Variants in CWC27 observed in about 807,000 individuals in gnomAD.
CWC27 encodes spliceosome-associated protein CWC27 homolog.
CWC27 carries 47 observed loss-of-function variants against 63.6 expected under a neutral mutation model. The observed-to-expected ratio is 0.74, with a 90% CI of 0.58 to 0.94. The LOEUF is 0.94. CWC27 is among the 40% of genes least tolerant of loss of function. The probability of loss-of-function intolerance (pLI) is 0.00; values close to 1 mark genes in which losing one functional copy is unlikely to be tolerated. For missense variants in CWC27, 495 were observed against 554.3 expected (o/e 0.89, Z 1.07); for synonymous variants, 175 against 179.8 (o/e 0.97, Z 0.22).
At chr5:64,819,886 T>C (rs1049507766) in intron 10 of CWC27, among the ~76,000 whole-genome samples, 1 of 152,330 alleles carries the variant, frequency 6.6e-6, no homozygotes, top group Non-Finnish European at 1.5e-5. Context: ...TCTTTGGTAT[T>C]ATGGTCATAG....
intron 11 of CWC27, among the ~76,000 whole-genome samples, chr5:64,894,535 A>G (rs1283772174): frequency 6.6e-6 from 1 of 152,176 alleles, no homozygotes. Flanking sequence ...AAGATTACAC[A>G]TGTGATTTGG....
rs896730287 is a variant in CWC27 at position 64,802,637 on chromosome 5, G to A, written c.780+1305G>A. On this transcript the variant is annotated intron_variant, in intron 9 of 13. Transcript: ENST00000381070. ...TTTGAAAGAGGTCTAGGAGGTGACT[G>A]ATTCTACACTATGAGGTGAGGGAGG... is the stretch of plus-strand genomic sequence containing the variant. Among the ~76,000 whole-genome samples the A allele has an allele frequency of 2.6e-5, 4 of 152,072 alleles. No homozygotes were observed. In the East Asian group the frequency reaches 7.7e-4, roughly 29 times the overall value.
chr5:64,908,136 T>C (rs149257901), intron 11 of CWC27, among the ~76,000 whole-genome samples: 490 of 152,350 alleles, frequency 3.2e-3, no homozygotes, highest in Non-Finnish European at 5.0e-3. Flanking sequence ...CTTCATTTCG[T>C]TATTTACCCA....
chr5:65,008,755 A>G (rs563257053), intron 13 of CWC27, among the ~76,000 whole-genome samples: 105 of 152,362 alleles, frequency 6.9e-4, no homozygotes, highest in Admixed American at 2.2e-3. Context: ...AAGCTATGAA[A>G]GTTATAAAAA....
intron 10 of CWC27, among the ~76,000 whole-genome samples, chr5:64,843,068 A>C (rs1259189551): frequency 6.6e-6 from 1 of 152,218 alleles, no homozygotes; most frequent in African/African-American, 2.4e-5. Flanking sequence ...GTTTTGTGTA[A>C]GGATTTTTTG....
chr5:64,893,646 C>T (rs1401840513), intron 11 of CWC27, among the ~76,000 whole-genome samples: 2 of 152,098 alleles, frequency 1.3e-5, no homozygotes, highest in Non-Finnish European at 2.9e-5. Context: ...AAAAGGAATA[C>T]TGAAGTTCTC....
At chr5:64,806,213 T>C (rs1362251850) in intron 10 of CWC27, among the ~76,000 whole-genome samples, 1 of 152,184 alleles carries the variant, frequency 6.6e-6, no homozygotes, top group Admixed American at 6.6e-5. Flanking sequence ...AAAATTAAAA[T>C]CACATAATTT....
At chr5:64,920,609 TGTTTTACTAATTCA>T (rs1466745958) in intron 11 of CWC27, among the ~76,000 whole-genome samples, 1 of 152,182 alleles carries the variant, frequency 6.6e-6, no homozygotes, top group Non-Finnish European at 1.5e-5. Context: ...TTGGTAGGCT[TGTTTTACTAATTCA>T]GTTTCAGAAA....
chr5:64,771,061 A>G (rs1157888185), intron 1 of CWC27, among the ~76,000 whole-genome samples: 1 of 152,222 alleles, frequency 6.6e-6, no homozygotes, highest in South Asian at 2.1e-4. Context: ...ATAAATGTTT[A>G]ATTACAAAAT....
intron 13 of CWC27, among the ~76,000 whole-genome samples, chr5:64,996,943 T>G (rs112833379): frequency 7.2e-5 from 11 of 152,112 alleles, no homozygotes; most frequent in South Asian, 2.1e-4. Context: ...ATTGTTGGTG[T>G]TGTTGTTGTT....
chr5:64,783,798 A>T (rs370695839), intron 3 of CWC27, 38 bp from the exon 4 acceptor site: 1 of 1,512,656 alleles, frequency 6.6e-7, no homozygotes, highest in African/African-American at 1.4e-5. Context: ...GAAGGGTCTT[A>T]TAACTGAGGA....
chr5:64,976,769 TG>T (rs1390923520), intron 12 of CWC27, among the ~76,000 whole-genome samples: 1 of 152,150 alleles, frequency 6.6e-6, no homozygotes, highest in Non-Finnish European at 1.5e-5. Flanking sequence ...CTTGAACTCT[TG>T]GGCTCAAAAG....
intron 10 of CWC27, among the ~76,000 whole-genome samples, chr5:64,864,726 T>C (rs949015978): frequency 6.6e-6 from 1 of 152,188 alleles, no homozygotes; most frequent in Admixed American, 6.6e-5. Context: ...TGGTTCACAA[T>C]GCATTTCGTC....
At chr5:64,876,570 AC>A (rs763451268) in intron 10 of CWC27, among the ~76,000 whole-genome samples, 2 of 152,138 alleles carry the variant, frequency 1.3e-5, no homozygotes, top group Non-Finnish European at 1.5e-5. Flanking sequence ...TATATAAGAA[AC>A]TAACACATAT....
chr5:64,950,019 T>A (rs1216211735), intron 11 of CWC27, among the ~76,000 whole-genome samples: 1 of 151,998 alleles, frequency 6.6e-6, no homozygotes, highest in African/African-American at 2.4e-5. Flanking sequence ...GAATACCAGA[T>A]CTTGAAGACA....
At chr5:64,832,410 TGTC>T (rs1745548437) in intron 10 of CWC27, among the ~76,000 whole-genome samples, 1 of 151,954 alleles carries the variant, frequency 6.6e-6, no homozygotes, top group Admixed American at 6.6e-5. Flanking sequence ...ACTAATAGTT[TGTC>T]TTTTTTTTTT....
At chr5:64,989,128 G>A (rs1356936970) in intron 13 of CWC27, among the ~76,000 whole-genome samples, 2 of 152,120 alleles carry the variant, frequency 1.3e-5, no homozygotes, top group Middle Eastern at 3.2e-3. Flanking sequence ...AGCCATGCTG[G>A]GATAGAAAAG....
At chr5:64,983,308 G>T (rs1398714662) in intron 13 of CWC27, among the ~76,000 whole-genome samples, 1 of 152,102 alleles carries the variant, frequency 6.6e-6, no homozygotes, top group Non-Finnish European at 1.5e-5. Context: ...CTGAAATCTG[G>T]CATGATAGGA....
intron 3 of CWC27, 26 bp downstream of exon 3, chr5:64,782,059 A>G (rs1320904650): frequency 8.7e-7 from 1 of 1,149,792 alleles, no homozygotes; most frequent in Middle Eastern, 2.4e-4. Flanking sequence ...TATTTTTATT[A>G]TTATTTTTGT....
Sources: gnomAD v4.1 joint callset for allele counts (sites outside exome capture counted in the v4.1 genomes callset) on GRCh38, gnomAD v4.1.1 for gene constraint, MANE v1.5 for transcripts, NCBI Gene and HGNC (gene_info 2026-07-23, HGNC 2026-07-21) for gene names.